Variants in POLN observed in about 807,000 individuals in gnomAD.
The protein encoded by POLN is DNA polymerase N.
A neutral mutation model predicts 113.5 loss-of-function variants in POLN; 108 were observed. That is an observed-to-expected ratio of 0.95 (90% confidence interval 0.81 to 1.12). The LOEUF (loss-of-function observed/expected upper bound fraction) is 1.12, where lower values mean the gene tolerates loss of function less well. Among genes scored for constraint, POLN ranks in the 50% most tolerant of loss-of-function variants. The pLI, the probability that POLN is intolerant of heterozygous loss-of-function variation, is 0.00. For missense variants in POLN, 1,097 were observed against 1,077.1 expected (o/e 1.02, Z -0.26); for synonymous variants, 386 against 391.5 (o/e 0.99, Z 0.17).
At chr4:2,089,945 A>G in intron 20 of POLN, 1 of 993,816 alleles carries the variant, frequency 1.0e-6, no homozygotes, top group South Asian at 1.4e-5. Context: ...TTAGCTAGTG[A>G]AAGTTCTTTT....
intron 4 of POLN, among the ~76,000 whole-genome samples, chr4:2,209,480 G>GAAA (rs1245386319): frequency 2.8e-5 from 2 of 72,182 alleles, no homozygotes; most frequent in African/African-American, 4.2e-5. Context: ...CTCCGTCTCA[G>GAAA]AAAAAAAAAA....
At chr4:2,240,931 C>T (rs1415678490) in intron 2 of POLN, 27 of 1,596,446 alleles carry the variant, frequency 1.7e-5, no homozygotes, top group Non-Finnish European at 2.3e-5. Context: ...TCCACAAACT[C>T]ATTTCCACAA....
intron 21 of POLN, among the ~76,000 whole-genome samples, chr4:2,085,136 T>C (rs1474830870): frequency 1.3e-5 from 2 of 152,246 alleles, no homozygotes; most frequent in Non-Finnish European, 1.5e-5. Context: ...AGGAGTATCA[T>C]CAACTTCCAA....
chr4:2,242,106 C>A lies in POLN; in HGVS notation c.-339G>T, dbSNP rs1050180272. ...GCCCGCCGCCACCGCCCTCCGTGCC[C>A]CGCGCGCCTCGCACTGCCTCACGGG... is the stretch of plus-strand genomic sequence containing the variant. On this transcript the variant is annotated 5_prime_UTR_variant, in exon 1 of 26. Coordinates refer to ENST00000511885, the MANE Select transcript of POLN (RefSeq NM_181808.4). The A allele has an allele frequency of 2.0e-6, 2 of 985,794 alleles. No homozygotes were observed. Among genetic ancestry groups the A allele is most frequent in the Non-Finnish European group, 2.4e-6 (2 of 830,276 alleles). 61.1% of individuals were successfully genotyped at this position (985,794 alleles called of 1,614,324 possible). A position where few individuals can be genotyped will look rare whatever the true frequency, so the allele number is the denominator to read the frequency against.
intron 4 of POLN, among the ~76,000 whole-genome samples, chr4:2,208,790 G>C (rs1733920769): frequency 6.6e-6 from 1 of 152,154 alleles, no homozygotes; most frequent in Admixed American, 6.5e-5. Flanking sequence ...AGGAATTCGA[G>C]ATGAGTCTGG....
In POLN at chr4:2,075,519, C is replaced by G. The variant is rs370832713; in HGVS notation, c.2388G>C (p.Arg796Ser). 6.2e-7 allele frequency: 1 copy of G among 1,613,240 alleles called. No individual in the cohort carries two copies. ...AVAASHTLTA[R>S]LVAQIHDELL... ...GCTCATCATGGATCTGGGCCACCAG[C>G]CTGGCAGGGAGGGAAGGAGTCACCC... is the stretch of plus-strand genomic sequence containing the variant. The change falls in exon 24 of 26, where the codon AGG becomes AGC. Residue 796 changes from arginine (R) to serine (S), a missense_variant and splice_region_variant. Arg to Ser is a moderately radical substitution (Grantham distance 110). Coordinates refer to ENST00000511885, the MANE Select transcript of POLN (RefSeq NM_181808.4).
chr4:2,169,745 T>C (rs989907810), intron 13 of POLN, among the ~76,000 whole-genome samples: 1 of 152,244 alleles, frequency 6.6e-6, no homozygotes, highest in Non-Finnish European at 1.5e-5. Flanking sequence ...TGTTCTTACT[T>C]ACTACTCTGT....
At chr4:2,180,028 C>T (rs1733096198) in intron 7 of POLN, among the ~76,000 whole-genome samples, 1 of 152,198 alleles carries the variant, frequency 6.6e-6, no homozygotes, top group Admixed American at 6.5e-5. Context: ...GGCATTCTCC[C>T]TGAAGTGTGG....
At chr4:2,182,948 C>A (rs1733180782) in intron 7 of POLN, among the ~76,000 whole-genome samples, 1 of 152,022 alleles carries the variant, frequency 6.6e-6, no homozygotes, top group Non-Finnish European at 1.5e-5. Flanking sequence ...ATAAATAATT[C>A]TTACAAATAA....
intron 24 of POLN, among the ~76,000 whole-genome samples, chr4:2,073,557 G>A (rs942498496): frequency 1.1e-4 from 16 of 152,254 alleles, no homozygotes; most frequent in African/African-American, 2.4e-4. Context: ...GGCTGACCCC[G>A]TTGTTGGGGC....
chr4:2,143,993 A>G (rs1745335), intron 16 of POLN, among the ~76,000 whole-genome samples: 115,562 of 151,854 alleles, frequency 0.76, 46,248 homozygotes, highest in Non-Finnish European at 0.89. Flanking sequence ...GTGGTAATAC[A>G]TTGCCCATGG....
chr4:2,239,026 ATTT>A (rs1734875709), intron 2 of POLN: 1 of 1,531,664 alleles, frequency 6.5e-7, no homozygotes, highest in Admixed American at 2.2e-5. Flanking sequence ...TAGCATCCAA[ATTT>A]TCTTTGTCCA....
chr4:2,240,106 C>G (rs1397494141), intron 2 of POLN: 1 of 1,613,956 alleles, frequency 6.2e-7, no homozygotes, highest in Non-Finnish European at 8.5e-7. Context: ...GAATTACTTG[C>G]TTTTAAGTGA....
chr4:2,157,971 G>T, intron 14 of POLN, 60 bp from the exon 15 acceptor site: 2 of 1,376,490 alleles, frequency 1.5e-6, no homozygotes, highest in Non-Finnish European at 2.0e-6. Context: ...TTTTGTGGGG[G>T]GAAGGAGTCT....
chr4:2,197,608 T>C (rs1279953590), intron 6 of POLN, among the ~76,000 whole-genome samples: 4 of 152,182 alleles, frequency 2.6e-5, no homozygotes, highest in Admixed American at 1.3e-4. Flanking sequence ...TAGGGCTCTG[T>C]CCTCACAAGG....
At chr4:2,211,750 T>C (rs1046771704) in intron 4 of POLN, among the ~76,000 whole-genome samples, 1 of 152,118 alleles carries the variant, frequency 6.6e-6, no homozygotes, top group Non-Finnish European at 1.5e-5. Context: ...GAGGTAGAGA[T>C]TGCAGTGAGC....
intron 19 of POLN, among the ~76,000 whole-genome samples, chr4:2,124,129 G>A (rs1731517758): frequency 6.6e-6 from 1 of 152,174 alleles, no homozygotes; most frequent in Admixed American, 6.5e-5. Flanking sequence ...TTAATGTGAA[G>A]TGTCCAGAAT....
intron 9 of POLN, among the ~76,000 whole-genome samples, chr4:2,175,104 A>T (rs1732963132): frequency 6.6e-6 from 1 of 152,152 alleles, no homozygotes; most frequent in Non-Finnish European, 1.5e-5. Flanking sequence ...GATTACAGGC[A>T]TGAGCCACCG....
At chr4:2,152,187 A>T (rs1438533873) in intron 16 of POLN, among the ~76,000 whole-genome samples, 1 of 151,352 alleles carries the variant, frequency 6.6e-6, no homozygotes, top group Non-Finnish European at 1.5e-5. Context: ...GTGCACCACC[A>T]TGCCCACCTA....
Sources: gnomAD v4.1 joint callset for allele counts (sites outside exome capture counted in the v4.1 genomes callset) on GRCh38, gnomAD v4.1.1 for gene constraint, MANE v1.5 for transcripts, NCBI Gene and HGNC (gene_info 2026-07-23, HGNC 2026-07-21) for gene names.